The following PDE12 variants were observed in gnomAD, a reference collection of about 807,000 sequenced individuals.
The protein encoded by PDE12 is 2',5'-phosphodiesterase 12.
PDE12 carries 26 observed loss-of-function variants against 45.4 expected under a neutral mutation model. The ratio of observed to expected loss-of-function variants is 0.57; its 90% CI spans 0.42 to 0.79. The LOEUF is 0.79. Among genes scored for constraint, PDE12 ranks in the 30% least tolerant of loss-of-function variants. The probability of loss-of-function intolerance (pLI) is 0.00; values close to 1 mark genes in which losing one functional copy is unlikely to be tolerated. For missense variants in PDE12, 668 were observed against 790.0 expected (o/e 0.85, Z 1.85); for synonymous variants, 283 against 323.9 (o/e 0.87, Z 1.36).
At chr3:57,558,680 T>TG (rs1181976115) in intron 1 of PDE12, among the ~76,000 whole-genome samples, 1 of 149,410 alleles carries the variant, frequency 6.7e-6, no homozygotes, top group Non-Finnish European at 1.5e-5. Flanking sequence ...AGACGGGGTT[T>TG]GGGGTTTCAC....
the PDE12 span, among the ~76,000 whole-genome samples, chr3:57,618,627 T>TTTTTTTTGG: frequency 7.3e-6 from 1 of 136,844 alleles, no homozygotes; most frequent in Admixed American, 8.2e-5. Flanking sequence ...TTTTTTTTTT[T>TTTTTTTTGG]GAGATGGAGT....
chr3:57,628,799 T>G, the PDE12 span: 1 of 1,607,462 alleles, frequency 6.2e-7, no homozygotes, highest in South Asian at 1.1e-5. Flanking sequence ...TTTGGCTGTT[T>G]TGGCTACATA....
At chr3:57,576,504 CTTTTT>C in the PDE12 span, among the ~76,000 whole-genome samples, 5 of 101,600 alleles carry the variant, frequency 4.9e-5, no homozygotes, top group Non-Finnish European at 7.9e-5. Context: ...CTCAACCAAG[CTTTTT>C]TTTTTTTTTT....
chr3:57,557,677 C>A lies in PDE12; in HGVS notation c.1298C>A (p.Ser433Tyr), dbSNP rs568829121. ...CAGGAGAAGGTGCTCCAGAGATCTT[C>A]TGTTCTTCAGGTAAAGTAGTTCCGC... ...SAQEKVLQRS[S>Y]VLQVSVLQST... The change falls in exon 1 of 3, where the codon TCT (serine) becomes TAT (tyrosine). Residue 433 changes from serine to tyrosine, a missense_variant. Ser to Tyr is a moderately radical substitution (Grantham distance 144). Transcript: ENST00000311180. The A allele has an allele frequency of 5.0e-6, 8 of 1,613,498 alleles. No homozygotes were observed. The African/African-American group carries it at 8.0e-5, about 16-fold the overall frequency.
the PDE12 span, chr3:57,628,184 T>A: frequency 6.2e-7 from 1 of 1,605,912 alleles, no homozygotes; most frequent in African/African-American, 1.3e-5. Context: ...TGATGCATAA[T>A]CCTTTTTGGC....
the PDE12 span, among the ~76,000 whole-genome samples, chr3:57,640,561 G>C: frequency 6.6e-6 from 1 of 152,194 alleles, no homozygotes; most frequent in Admixed American, 6.5e-5. Flanking sequence ...CTGGGCAACA[G>C]AGTGAGACTC....
chr3:57,601,349 T>C, the PDE12 span, among the ~76,000 whole-genome samples: 4 of 152,090 alleles, frequency 2.6e-5, no homozygotes, highest in African/African-American at 4.8e-5. Context: ...ACCTAGGTGG[T>C]CCACCCACCT....
rs1247986970 is a variant in PDE12 at position 57,562,351 on chromosome 3, A to T, written c.*2347A>T. On this transcript the variant is annotated 3_prime_UTR_variant, in exon 3 of 3. Transcript: ENST00000311180. ...AGATTGTATACAGGCATTTCACATT[A>T]TTAGGACATGGAATGTTATTGTGAA... 6.5e-6 allele frequency: 1 copy of T among 152,968 alleles called. No individual in the cohort carries two copies. Among genetic ancestry groups the T allele is most frequent in the East Asian group, 1.9e-4 (1 of 5,196 alleles). The allele number at this position is 152,968 out of a possible 1,614,324, so 9.5% of individuals were successfully genotyped here. A position where few individuals can be genotyped will look rare whatever the true frequency, so the allele number is the denominator to read the frequency against.
chr3:57,595,190 T>A, the PDE12 span, among the ~76,000 whole-genome samples: 2 of 152,252 alleles, frequency 1.3e-5, no homozygotes, highest in Non-Finnish European at 2.9e-5. Context: ...CATACTTCTA[T>A]ATTCCTTGCC....
chr3:57,574,144 T>G, the PDE12 span, among the ~76,000 whole-genome samples: 1 of 151,716 alleles, frequency 6.6e-6, no homozygotes, highest in Non-Finnish European at 1.5e-5. Flanking sequence ...TTTCATCATC[T>G]TGGCCATGTT....
chr3:57,559,848 A>G lies in PDE12; in HGVS notation c.1674A>G (p.Gly558=). Residue 558 remains glycine (G), a synonymous_variant, in exon 3 of 3, where the codon GGA becomes GGG. Transcript: ENST00000311180. ...CAAATTATGTTGGTGGCTTTCATGG[A>G]TGTCTAGATTACATTTTCATTGACT... ...AYTNYVGGFH[G]CLDYIFIDLN... The G allele has an allele frequency of 6.2e-7, 1 of 1,614,132 alleles. No individual in the cohort carries two copies. Among genetic ancestry groups the G allele is most frequent in the Non-Finnish European group, 8.5e-7 (1 of 1,180,020 alleles).
the PDE12 span, among the ~76,000 whole-genome samples, chr3:57,604,627 G>GGA: frequency 3.6e-3 from 144 of 40,470 alleles, 10 homozygotes; most frequent in East Asian, 6.4e-3. Flanking sequence ...TGGGGGGGGT[G>GGA]GGTGGGACAG....
the PDE12 span, among the ~76,000 whole-genome samples, chr3:57,633,760 G>A: frequency 1.7e-3 from 256 of 151,690 alleles, no homozygotes; most frequent in African/African-American, 6.0e-3. Flanking sequence ...TGTGGTGGCG[G>A]GCACCTGTAA....
the PDE12 span, among the ~76,000 whole-genome samples, chr3:57,614,821 C>T: frequency 6.6e-6 from 1 of 151,468 alleles, no homozygotes; most frequent in African/African-American, 2.4e-5. Flanking sequence ...GATGAAAACC[C>T]GTCTCTACGA....
At chr3:57,590,039 G>C in the PDE12 span, among the ~76,000 whole-genome samples, 1 of 146,674 alleles carries the variant, frequency 6.8e-6, no homozygotes, top group Admixed American at 6.8e-5. Context: ...GCAGTGAGTC[G>C]AGATCATGCC....
chr3:57,615,806 GA>G, the PDE12 span, among the ~76,000 whole-genome samples: 1,556 of 145,548 alleles, frequency 0.011, 30 homozygotes, highest in African/African-American at 0.036. Context: ...TCTATCTCAA[GA>G]AAAAAAAAAT....
At chr3:57,589,240 C>A in the PDE12 span, among the ~76,000 whole-genome samples, 5 of 152,112 alleles carry the variant, frequency 3.3e-5, no homozygotes, top group African/African-American at 1.2e-4. Flanking sequence ...TGTGCTTCAG[C>A]CTGGGCAACA....
the PDE12 span, among the ~76,000 whole-genome samples, chr3:57,629,260 T>A: frequency 6.6e-6 from 1 of 152,206 alleles, no homozygotes; most frequent in Non-Finnish European, 1.5e-5. Flanking sequence ...ATGAATTTAC[T>A]ACTGGATGTA....
At chr3:57,645,799 T>A in the PDE12 span, 1 of 1,432,024 alleles carries the variant, frequency 7.0e-7, no homozygotes. Flanking sequence ...ACACAGAAAT[T>A]AAAGGTCCTA....
Sources: gnomAD v4.1 joint callset for allele counts (sites outside exome capture counted in the v4.1 genomes callset) on GRCh38, gnomAD v4.1.1 for gene constraint, MANE v1.5 for transcripts, NCBI Gene and HGNC (gene_info 2026-07-23, HGNC 2026-07-21) for gene names.